Variants in DNAAF9 observed in about 807,000 individuals in gnomAD.
DNAAF9 encodes the protein shulin.
Under a neutral mutation model 167.0 loss-of-function variants are expected in DNAAF9, and 90 were observed. That is an observed-to-expected ratio of 0.54 (90% confidence interval 0.45 to 0.64). The LOEUF (loss-of-function observed/expected upper bound fraction) is 0.64. Ranked by LOEUF, DNAAF9 falls within the 30% of genes least tolerant of loss-of-function variation. The pLI is 0.00. For synonymous variants in DNAAF9, 491 were observed against 508.8 expected (o/e 0.96, Z 0.47); for missense variants, 1,315 against 1,442.2 (o/e 0.91, Z 1.43).
chr20:3,407,656 A>G lies in DNAAF9; in HGVS notation c.-99T>C, dbSNP rs1439204511. On this transcript the variant is annotated 5_prime_UTR_variant, in exon 1 of 37. Coordinates refer to ENST00000252032, the MANE Select transcript of DNAAF9 (RefSeq NM_001009984.3). ...GCTAGCTGCGGCCGGGCGGGGCGGCAGGGCGTGCCGGGTGGGAGGGGGCGC... is the reference window on the plus strand; with the variant it reads ...GCTAGCTGCGGCCGGGCGGGGCGGCGGGGCGTGCCGGGTGGGAGGGGGCGC... The G allele has an allele frequency of 1.3e-5, 13 of 1,032,250 alleles. No individual in the cohort carries two copies. Among genetic ancestry groups the G allele is most frequent in the Non-Finnish European group, 1.4e-5 (12 of 860,194 alleles). The allele number at this position is 1,032,250 out of a possible 1,614,324, so 63.9% of individuals were successfully genotyped here.
chr20:3,373,960 G>T, intron 6 of DNAAF9, 88 bp downstream of exon 6: 1 of 784,258 alleles, frequency 1.3e-6, no homozygotes, highest in Non-Finnish European at 2.2e-6. Flanking sequence ...CAGCTTTTTG[G>T]TGTTATAATA....
At position 3,257,020 on chromosome 20, in the gene DNAAF9, C is replaced by CA. The variant is rs199945744; in HGVS notation, c.3056-810dup. ...TGTCTCAAAAACAAAACAAAACAGA[C>CA]AAAAAAACCAGTACAGCAGTGTTGC... On this transcript the variant is annotated intron_variant, in intron 33 of 36. Transcript: ENST00000252032. 2.1e-3 allele frequency among the ~76,000 whole-genome samples: 314 copies of CA among 151,602 alleles called. 2 individuals are homozygous for CA. Among genetic ancestry groups the CA allele is most frequent in the Non-Finnish European group, 3.0e-3 (206 of 67,906 alleles).
At chr20:3,340,728 T>G in intron 9 of DNAAF9, 89 bp from the exon 10 acceptor site, 1 of 1,242,296 alleles carries the variant, frequency 8.0e-7, no homozygotes, top group Non-Finnish European at 1.2e-6. Flanking sequence ...CAGGCTTTTC[T>G]GAGGGACACT....
chr20:3,321,813 G>A (rs945388054), intron 16 of DNAAF9, among the ~76,000 whole-genome samples: 1 of 152,114 alleles, frequency 6.6e-6, no homozygotes, highest in Non-Finnish European at 1.5e-5. Flanking sequence ...TCCTGTTAAG[G>A]ACATCAATGC....
At chr20:3,343,828 G>A in intron 8 of DNAAF9, 97 bp from the exon 9 acceptor site, 2 of 876,032 alleles carry the variant, frequency 2.3e-6, no homozygotes, top group South Asian at 1.4e-5. Flanking sequence ...CATGCTTCAG[G>A]AGAGTGCACA....
intron 25 of DNAAF9, among the ~76,000 whole-genome samples, chr20:3,290,418 G>A (rs1483259575): frequency 6.6e-6 from 1 of 152,192 alleles, no homozygotes; most frequent in Non-Finnish European, 1.5e-5. Context: ...CATAAGCAAA[G>A]TGTTTAGAAC....
intron 25 of DNAAF9, among the ~76,000 whole-genome samples, chr20:3,293,590 C>T (rs980124042): frequency 1.4e-5 from 2 of 140,056 alleles, no homozygotes; most frequent in Non-Finnish European, 3.0e-5. Flanking sequence ...GAGGCTGAGG[C>T]GGGACAATCA....
intron 14 of DNAAF9, 91 bp downstream of exon 14, chr20:3,324,801 A>G (rs2069681349): frequency 2.8e-6 from 2 of 716,928 alleles, no homozygotes; most frequent in Non-Finnish European, 5.0e-6. Flanking sequence ...CATTTCTCAA[A>G]GGGGAGATGA....
intron 27 of DNAAF9, among the ~76,000 whole-genome samples, chr20:3,286,844 T>C (rs1185565668): frequency 6.6e-6 from 1 of 152,228 alleles, no homozygotes; most frequent in African/African-American, 2.4e-5. Context: ...AAAAGCACTT[T>C]GTAAGAACTA....
At chr20:3,382,122 GTCCTGA>G (rs1414133016) in intron 2 of DNAAF9, among the ~76,000 whole-genome samples, 1 of 152,114 alleles carries the variant, frequency 6.6e-6, no homozygotes, top group African/African-American at 2.4e-5. Flanking sequence ...TATTACCTAG[GTCCTGA>G]TGTCTGTGAA....
Position 3,374,092 on chromosome 20 carries a change from G to C in DNAAF9, c.568C>G (p.Leu190Val). The C allele has an allele frequency of 6.2e-7, 1 of 1,613,592 alleles. No individual in the cohort carries two copies. The highest frequency in any genetic ancestry group is 1.7e-5 in the Admixed American group (1 of 59,996). The change falls in exon 6 of 37, where the codon CTT becomes GTT. Residue 190 changes from leucine to valine, a missense_variant. Around this residue, in one of 2 missense-constraint regions of DNAAF9, gnomAD observed 981 missense variants for 1,012.5 expected, o/e 0.97. Transcript: ENST00000252032. ...EKWPIVQAFALEGIGGDGFFT... is the reference protein window; with the variant it reads ...EKWPIVQAFAVEGIGGDGFFT... ...AATCCATCCCCTCCAATGCCCTCAA[G>C]TGCAAAGGCCTGTACAATTGGCCAT...
chr20:3,338,018 T>A (rs942947271), intron 10 of DNAAF9, among the ~76,000 whole-genome samples: 1 of 147,978 alleles, frequency 6.8e-6, no homozygotes, highest in African/African-American at 2.5e-5. Context: ...ATATTATATA[T>A]TACGTTATAT....
intron 1 of DNAAF9, among the ~76,000 whole-genome samples, chr20:3,395,116 C>T (rs1231924668): frequency 7.4e-5 from 11 of 148,376 alleles, no homozygotes; most frequent in Non-Finnish European, 1.3e-4. Context: ...TACAGGCGTG[C>T]GCCACCATGC....
At chr20:3,361,851 GGGGAA>G in intron 6 of DNAAF9, 1 of 1,453,098 alleles carries the variant, frequency 6.9e-7, no homozygotes, top group East Asian at 2.3e-5. Context: ...TTGGGGGGAA[GGGGAA>G]GGGCCTGTGG....
chr20:3,281,877 A>AT, intron 27 of DNAAF9, 111 bp from the exon 28 acceptor site: 2 of 1,046,548 alleles, frequency 1.9e-6, no homozygotes, highest in Admixed American at 4.7e-5. Context: ...AACCAAAAGG[A>AT]AGAGCCCGCA....
At chr20:3,338,426 A>C (rs1470077621) in intron 10 of DNAAF9, among the ~76,000 whole-genome samples, 1 of 151,968 alleles carries the variant, frequency 6.6e-6, no homozygotes, top group Non-Finnish European at 1.5e-5. Flanking sequence ...GATCTTCTGA[A>C]GTTTGAATAG....
intron 10 of DNAAF9, among the ~76,000 whole-genome samples, chr20:3,338,739 G>A (rs1265043677): frequency 1.8e-4 from 26 of 146,688 alleles, no homozygotes; most frequent in Admixed American, 2.8e-4. Flanking sequence ...TGCAACCTCC[G>A]CCTCCTGGGT....
chr20:3,294,202 G>C lies in DNAAF9; in HGVS notation c.2175C>G (p.Thr725=). The change falls in exon 25 of 37, where the codon ACC becomes ACG. Residue 725 remains threonine (T), a synonymous_variant. Coordinates refer to ENST00000252032, the MANE Select transcript of DNAAF9 (RefSeq NM_001009984.3). ...CTTGCTGCAGCAGCACAGGAAGATGGGTCCGCATCACAGGCTCCTGGCTAA... is the reference window on the plus strand; with the variant it reads ...CTTGCTGCAGCAGCACAGGAAGATGCGTCCGCATCACAGGCTCCTGGCTAA... ...SSISQEPVMR[T]HLPVLLQQAE... 2 of 1,613,464 alleles carry C rather than the reference G, an allele frequency of 1.2e-6. No homozygotes were observed. The highest frequency in any genetic ancestry group is 1.7e-4 in the Middle Eastern group (1 of 6,060).
At position 3,387,884 on chromosome 20, in the gene DNAAF9, TAAAAAAAAAAAAAA is replaced by T. The variant is rs557861791; in HGVS notation, c.84-5392_84-5379del. 5.4e-4 allele frequency among the ~76,000 whole-genome samples: 47 copies of T among 87,364 alleles called. No individual in the cohort carries two copies. In the South Asian group the frequency reaches 0.011, roughly 20 times the overall value. The allele number at this position is 87,364 out of a possible 152,430, so 57.3% of individuals were successfully genotyped here. On this transcript the variant is annotated intron_variant, in intron 1 of 36. Coordinates refer to ENST00000252032, the MANE Select transcript of DNAAF9 (RefSeq NM_001009984.3). ...AGGGAGACCCTGTCTCTACAAAAAG[TAAAAAAAAAAAAAA>T]AAAAAAAAAAAAAAAAAATTAGCCG...
Sources: allele counts gnomAD v4.1 joint callset (sites outside exome capture counted in the v4.1 genomes callset), GRCh38; gene constraint gnomAD v4.1.1; regional missense constraint gnomAD v4.1.1; transcripts MANE v1.5; gene names NCBI Gene and HGNC (gene_info 2026-07-23, HGNC 2026-07-21).